Variants in RNF168 observed in about 807,000 individuals in gnomAD.
RNF168 encodes ring finger protein 168.
In RNF168, 34 loss-of-function variants were observed where a neutral mutation model predicts 34.9. That is an observed-to-expected ratio of 0.97 (90% CI 0.74 to 1.30). The LOEUF is 1.30. Among genes scored for constraint, RNF168 ranks in the 50% most tolerant of loss-of-function variants. The pLI is 0.00. For synonymous variants in RNF168, 264 were observed against 254.7 expected (o/e 1.04, Z -0.35); for missense variants, 725 against 682.5 (o/e 1.06, Z -0.69).
At chr3:196,479,489 C>T (rs1732237432) in intron 4 of RNF168, among the ~76,000 whole-genome samples, 1 of 149,840 alleles carries the variant, frequency 6.7e-6, no homozygotes, top group Non-Finnish European at 1.5e-5. Context: ...TTTGTAGAGA[C>T]AGGGTTTCCG....
chr3:196,492,305 C>G (rs1045173409), intron 1 of RNF168, among the ~76,000 whole-genome samples: 3 of 152,144 alleles, frequency 2.0e-5, no homozygotes, highest in South Asian at 4.1e-4. Flanking sequence ...TCAAGACCAG[C>G]CTGGGCAACA....
chr3:196,472,261 A>C lies in RNF168; in HGVS notation c.1274T>G (p.Phe425Cys). Residue 425 changes from phenylalanine to cysteine, a missense_variant, in exon 6 of 6, where the codon TTT becomes TGT. Physicochemically the swap from Phe to Cys is radical, Grantham distance 205. Coordinates refer to ENST00000318037, the MANE Select transcript of RNF168 (RefSeq NM_152617.4). Reference protein sequence around the residue: ...SPDQEETEINFTQKLIDLEHL... With the variant: ...SPDQEETEINCTQKLIDLEHL... ...CTCCAAATCTATCAGTTTTTGGGTA[A>C]AGTTTATTTCTGTTTCCTCTTGATC... 1 of 1,614,002 alleles carries C rather than the reference A, an allele frequency of 6.2e-7. No homozygotes were observed. Among genetic ancestry groups the C allele is most frequent in the Non-Finnish European group, 8.5e-7 (1 of 1,179,958 alleles).
intron 1 of RNF168, among the ~76,000 whole-genome samples, chr3:196,492,817 C>T (rs1471867505): frequency 1.3e-5 from 2 of 150,746 alleles, no homozygotes; most frequent in Admixed American, 1.3e-4. Flanking sequence ...AAATAAATAG[C>T]CCCAAATTGC....
chr3:196,486,827 G>A (rs1732435733), intron 3 of RNF168, among the ~76,000 whole-genome samples: 1 of 152,230 alleles, frequency 6.6e-6, no homozygotes, highest in South Asian at 2.1e-4. Context: ...CCAGCACTTT[G>A]AGACGCCGAG....
At chr3:196,495,860 C>A (rs1471685623) in intron 1 of RNF168, among the ~76,000 whole-genome samples, 1 of 152,306 alleles carries the variant, frequency 6.6e-6, no homozygotes, top group East Asian at 1.9e-4. Context: ...CATTCTAAGG[C>A]TGATTCTTCC....
chr3:196,496,925 A>G (rs1313586065), intron 1 of RNF168, among the ~76,000 whole-genome samples: 1 of 152,184 alleles, frequency 6.6e-6, no homozygotes, highest in Non-Finnish European at 1.5e-5. Flanking sequence ...CAGGAGTATC[A>G]TCTGAGGTCA....
At position 196,470,875 on chromosome 3, in the gene RNF168, C is replaced by T. The variant is rs1209867982; in HGVS notation, c.*944G>A. On this transcript the variant is annotated 3_prime_UTR_variant, in exon 6 of 6. Coordinates refer to ENST00000318037, the MANE Select transcript of RNF168 (RefSeq NM_152617.4). ...TTCTGATTTAACACTGATTCGAATC[C>T]ACTTTAAACCAAAGGAAACAGGCCG... 1 of 152,326 alleles carries T rather than the reference C, an allele frequency of 6.6e-6. No homozygotes were observed. The allele number at this position is 152,326 out of a possible 1,614,324, so 9.4% of individuals were successfully genotyped here.
intron 1 of RNF168, among the ~76,000 whole-genome samples, chr3:196,493,822 T>C (rs533467508): frequency 4.0e-4 from 60 of 151,828 alleles, no homozygotes; most frequent in Non-Finnish European, 8.1e-4. Flanking sequence ...GTGCCCAGCC[T>C]TCCATTTGCT....
chr3:196,501,380 T>C (rs73891268), intron 1 of RNF168, among the ~76,000 whole-genome samples: 5,759 of 152,258 alleles, frequency 0.038, 354 homozygotes, highest in African/African-American at 0.13. Flanking sequence ...AAACAAATTA[T>C]TATTCAGCCC....
In RNF168 at chr3:196,472,062, C is replaced by T; in HGVS notation, c.1473G>A (p.Arg491=). 6.2e-7 allele frequency: 1 copy of T among 1,613,656 alleles called. No homozygotes were observed. Among genetic ancestry groups the T allele is most frequent in the Middle Eastern group, 1.6e-4 (1 of 6,062 alleles). Reference sequence around the variant, plus strand: ...TGAAGTTCCCATCTTTGGGATTCTTCCTCTGTCCATTTAGCACTTTGTCTG... The same window carrying T: ...TGAAGTTCCCATCTTTGGGATTCTTTCTCTGTCCATTTAGCACTTTGTCTG... ...SPPDKVLNGQ[R]KNPKDGNFKR... The change falls in exon 6 of 6, where the codon AGG becomes AGA. Residue 491 remains arginine (R), a synonymous_variant. Transcript: ENST00000318037.
In RNF168 at chr3:196,472,256, G is replaced by C. The variant is rs770340439; in HGVS notation, c.1279C>G (p.Gln427Glu). ...AGATGCTCCAAATCTATCAGTTTTT[G>C]GGTAAAGTTTATTTCTGTTTCCTCT... ...DQEETEINFT[Q>E]KLIDLEHLLF... Residue 427 changes from glutamine to glutamate, a missense_variant, in exon 6 of 6, where the codon CAA becomes GAA. Physicochemically the swap from Gln to Glu is conservative, Grantham distance 29. Coordinates refer to ENST00000318037, the MANE Select transcript of RNF168 (RefSeq NM_152617.4). 6.2e-6 allele frequency: 10 copies of C among 1,613,974 alleles called. No individual in the cohort carries two copies. The highest frequency in any genetic ancestry group is 2.2e-5 in the East Asian group (1 of 44,886).
chr3:196,486,229 G>T (rs1016249792), intron 3 of RNF168, among the ~76,000 whole-genome samples: 1 of 152,100 alleles, frequency 6.6e-6, no homozygotes, highest in Non-Finnish European at 1.5e-5. Flanking sequence ...CTCTTTAAAA[G>T]AATTAGATTG....
intron 1 of RNF168, among the ~76,000 whole-genome samples, chr3:196,502,051 TTAG>T (rs1389655015): frequency 2.5e-4 from 6 of 23,558 alleles, no homozygotes; most frequent in Admixed American, 1.7e-3. Context: ...CCAAAAAAAA[TTAG>T]AAAAAAAAAA....
intron 1 of RNF168, among the ~76,000 whole-genome samples, chr3:196,497,135 G>A (rs961118847): frequency 6.6e-6 from 1 of 151,580 alleles, no homozygotes; most frequent in African/African-American, 2.4e-5. Flanking sequence ...AACAGAGCAA[G>A]ACTCTGTCTC....
At chr3:196,482,474 T>C (rs1732318960) in intron 4 of RNF168, among the ~76,000 whole-genome samples, 1 of 152,238 alleles carries the variant, frequency 6.6e-6, no homozygotes, top group African/African-American at 2.4e-5. Context: ...AGGAGTGGAA[T>C]TGCTGGGTCA....
chr3:196,479,982 G>A (rs544578312), intron 4 of RNF168, among the ~76,000 whole-genome samples: 3 of 152,274 alleles, frequency 2.0e-5, no homozygotes, highest in South Asian at 2.1e-4. Flanking sequence ...TACAATACAT[G>A]TAAGAATCAC....
intron 1 of RNF168, among the ~76,000 whole-genome samples, chr3:196,502,212 G>T (rs767925338): frequency 5.3e-5 from 8 of 152,198 alleles, no homozygotes; most frequent in Non-Finnish European, 1.0e-4. Context: ...ACCGGGTGCA[G>T]GGTTGAGTGA....
chr3:196,499,625 A>ACC (rs1732831977), intron 1 of RNF168, among the ~76,000 whole-genome samples: 1 of 152,154 alleles, frequency 6.6e-6, no homozygotes, highest in Admixed American at 6.6e-5. Flanking sequence ...GATTGAGACC[A>ACC]TCCTGACCAA....
chr3:196,498,788 A>T (rs1278378444), intron 1 of RNF168, among the ~76,000 whole-genome samples: 7 of 152,270 alleles, frequency 4.6e-5, no homozygotes, highest in African/African-American at 1.7e-4. Context: ...TGAGGTCAGG[A>T]GTTCGACACC....
Sources: gnomAD v4.1 joint callset for allele counts (sites outside exome capture counted in the v4.1 genomes callset) on GRCh38, gnomAD v4.1.1 for gene constraint, MANE v1.5 for transcripts, NCBI Gene and HGNC (gene_info 2026-07-23, HGNC 2026-07-21) for gene names.